The following PCSK6 variants were observed in gnomAD, a reference collection of about 807,000 sequenced individuals.
PCSK6 encodes the protein proprotein convertase subtilisin/kexin type 6.
PCSK6 carries 85 observed loss-of-function variants against 123.3 expected under a neutral mutation model. That is an observed-to-expected ratio of 0.69 (90% CI 0.58 to 0.83). The LOEUF is 0.83. Ranked by LOEUF, PCSK6 falls within the 40% of genes least tolerant of loss-of-function variation. The pLI is 0.00. For missense variants in PCSK6, 1,191 were observed against 1,282.3 expected (o/e 0.93, Z 1.09); for synonymous variants, 508 against 516.0 (o/e 0.98, Z 0.21).
At chr15:101,328,448 A>G (rs913181082) in intron 15 of PCSK6, among the ~76,000 whole-genome samples, 1 of 152,076 alleles carries the variant, frequency 6.6e-6, no homozygotes, top group Non-Finnish European at 1.5e-5. Context: ...CTCAATCACT[A>G]TTTGCTGAGC....
At chr15:101,422,683 G>A (rs568618104) in intron 6 of PCSK6, among the ~76,000 whole-genome samples, 113 of 151,516 alleles carry the variant, frequency 7.5e-4, no homozygotes, top group Non-Finnish European at 1.2e-3. Context: ...TGCAGTTGGC[G>A]CGATCTCAGC....
At chr15:101,354,289 G>A (rs1022296479) in intron 13 of PCSK6, among the ~76,000 whole-genome samples, 13 of 152,012 alleles carry the variant, frequency 8.6e-5, no homozygotes, top group Non-Finnish European at 1.5e-4. Context: ...TGGACACACA[G>A]ATACATACAA....
chr15:101,340,529 C>T (rs1460476981), intron 13 of PCSK6, among the ~76,000 whole-genome samples: 2 of 152,200 alleles, frequency 1.3e-5, no homozygotes, highest in African/African-American at 4.8e-5. Context: ...AGGTTTATAA[C>T]AAAGAAAGCA....
At chr15:101,376,235 G>C (rs2041738491) in intron 11 of PCSK6, among the ~76,000 whole-genome samples, 1 of 152,090 alleles carries the variant, frequency 6.6e-6, no homozygotes, top group African/African-American at 2.4e-5. Flanking sequence ...TAGGACTGTA[G>C]GTGCAAACCA....
At chr15:101,375,139 G>C (rs1214188650) in intron 11 of PCSK6, among the ~76,000 whole-genome samples, 1 of 152,082 alleles carries the variant, frequency 6.6e-6, no homozygotes, top group Non-Finnish European at 1.5e-5. Context: ...TTTTAGTAGA[G>C]ATGGGGTTTC....
At chr15:101,356,593 T>A (rs1300205508) in intron 13 of PCSK6, among the ~76,000 whole-genome samples, 2 of 150,200 alleles carry the variant, frequency 1.3e-5, no homozygotes, top group Non-Finnish European at 2.9e-5. Context: ...GGCAGAAGAA[T>A]CGCTTAAACC....
chr15:101,431,091 G>C (rs1353207962), intron 4 of PCSK6, among the ~76,000 whole-genome samples: 1 of 152,200 alleles, frequency 6.6e-6, no homozygotes, highest in Non-Finnish European at 1.5e-5. Flanking sequence ...TCCTAAAAGT[G>C]TATGTGACTG....
chr15:101,312,761 G>A (rs2039896340), intron 20 of PCSK6, among the ~76,000 whole-genome samples: 1 of 152,202 alleles, frequency 6.6e-6, no homozygotes, highest in African/African-American at 2.4e-5. Flanking sequence ...GAATCTGGGA[G>A]GCGGAGCTTG....
intron 1 of PCSK6, 70 bp from the exon 2 acceptor site, chr15:101,443,730 C>G: frequency 9.2e-7 from 1 of 1,082,434 alleles, no homozygotes; most frequent in Non-Finnish European, 1.4e-6. Flanking sequence ...TTCCACCCCA[C>G]AAGAATCTCC....
chr15:101,435,150 C>A (rs1221672557), intron 2 of PCSK6, among the ~76,000 whole-genome samples: 1 of 152,056 alleles, frequency 6.6e-6, no homozygotes, highest in African/African-American at 2.4e-5. Context: ...AACCAGGAGC[C>A]ACCTGGACAC....
At chr15:101,390,619 G>T (rs768052036) in intron 8 of PCSK6, among the ~76,000 whole-genome samples, 34 of 152,276 alleles carry the variant, frequency 2.2e-4, no homozygotes, top group Non-Finnish European at 3.1e-4. Flanking sequence ...CAAAGGCTGA[G>T]AACGGGCCCC....
At chr15:101,373,273 C>T (rs928740885) in intron 11 of PCSK6, among the ~76,000 whole-genome samples, 3 of 152,186 alleles carry the variant, frequency 2.0e-5, no homozygotes, top group Non-Finnish European at 4.4e-5. Flanking sequence ...GGCCTCACTT[C>T]GTTTGGTTTT....
At chr15:101,418,648 G>A (rs1047816696) in intron 6 of PCSK6, among the ~76,000 whole-genome samples, 3 of 151,918 alleles carry the variant, frequency 2.0e-5, no homozygotes, top group African/African-American at 4.8e-5. Flanking sequence ...GAGTAGCTGG[G>A]ATTACAGGTG....
chr15:101,401,244 G>C (rs1447154068), intron 6 of PCSK6, among the ~76,000 whole-genome samples: 1 of 152,230 alleles, frequency 6.6e-6, no homozygotes, highest in African/African-American at 2.4e-5. Flanking sequence ...CGTGGGCGTG[G>C]GCAGCGATGG....
At position 101,466,202 on chromosome 15, in the gene PCSK6, A is replaced by G. The variant is rs115599483; in HGVS notation, c.298-22542T>C. Among the ~76,000 whole-genome samples, 360 of 152,330 alleles carry G rather than the reference A, an allele frequency of 2.4e-3. 1 individual carries two copies. Among genetic ancestry groups the G allele is most frequent in the African/African-American group, 6.2e-3 (259 of 41,574 alleles). On this transcript the variant is annotated intron_variant, in intron 1 of 21. Transcript: ENST00000611716. ...ACAACAATAAAAGCCACATAAACCC[A>G]CTAAACATGAACAAAAATCTGAGCA... is the stretch of plus-strand genomic sequence containing the variant.
At chr15:101,428,481 A>G (rs556242443) in intron 5 of PCSK6, among the ~76,000 whole-genome samples, 7 of 151,924 alleles carry the variant, frequency 4.6e-5, no homozygotes, top group African/African-American at 1.7e-4. Context: ...GCTTACCCTG[A>G]GGCAGCCCTT....
In PCSK6 at chr15:101,429,868, G is replaced by A. The variant is rs1039581829; in HGVS notation, c.734+119C>T. The A allele has an allele frequency of 9.0e-5, 74 of 826,518 alleles. 2 individuals carry two copies. The highest frequency in any genetic ancestry group is 4.6e-4 in the South Asian group (30 of 65,100). 51.2% of individuals were successfully genotyped at this position (826,518 alleles called of 1,614,324 possible). A position where few individuals can be genotyped will look rare whatever the true frequency, so the allele number is the denominator to read the frequency against. Reference sequence around the variant, plus strand: ...TGACTCCTGGAGAAGCCTGCCTCGCGCCCAGGCAGGGAAGATACGCCGGCA... The same window carrying A: ...TGACTCCTGGAGAAGCCTGCCTCGCACCCAGGCAGGGAAGATACGCCGGCA... On this transcript the variant is annotated intron_variant, in intron 5 of 21. Coordinates refer to ENST00000611716, the MANE Select transcript of PCSK6 (RefSeq NM_002570.5).
In PCSK6 at chr15:101,487,543, A is replaced by T. The variant is rs547235938; in HGVS notation, c.297+1831T>A. On this transcript the variant is annotated intron_variant, in intron 1 of 21. Coordinates refer to ENST00000611716, the MANE Select transcript of PCSK6 (RefSeq NM_002570.5). ...CAGATAGAAATTTCCGGGGAGAGTTACCTGTGCCTCTCTGCCTCTCTCTTG... is the reference window on the plus strand; with the variant it reads ...CAGATAGAAATTTCCGGGGAGAGTTTCCTGTGCCTCTCTGCCTCTCTCTTG... Among the ~76,000 whole-genome samples the T allele has an allele frequency of 8.6e-5, 13 of 151,930 alleles. 1 individual carries two copies. The highest frequency in any genetic ancestry group is 4.1e-4 in the South Asian group (2 of 4,820).
At chr15:101,378,640 G>T (rs1405694615) in intron 11 of PCSK6, among the ~76,000 whole-genome samples, 1 of 152,178 alleles carries the variant, frequency 6.6e-6, no homozygotes, top group Non-Finnish European at 1.5e-5. Context: ...GGAGCAGGGG[G>T]CCTGGCTCCT....
Sources: gnomAD v4.1 joint callset for allele counts (sites outside exome capture counted in the v4.1 genomes callset) on GRCh38, gnomAD v4.1.1 for gene constraint, MANE v1.5 for transcripts, NCBI Gene and HGNC (gene_info 2026-07-23, HGNC 2026-07-21) for gene names.